The following DPP10 variants were observed in gnomAD, a reference collection of about 807,000 sequenced individuals.
The protein encoded by DPP10 is dipeptidyl peptidase like 10, also known as inactive dipeptidyl peptidase 10.
A neutral mutation model predicts 120.9 loss-of-function variants in DPP10; 33 were observed. The observed-to-expected ratio is 0.27, with a 90% CI of 0.21 to 0.37. DPP10 has a LOEUF of 0.37. Ranked by LOEUF, DPP10 falls within the 10% of genes least tolerant of loss-of-function variation. The pLI, the probability that DPP10 is intolerant of heterozygous loss-of-function variation, is 1.00. For missense variants in DPP10, 816 were observed against 942.8 expected, an observed-to-expected ratio of 0.87 and a Z score of 1.76; for synonymous variants, 337 against 326.1, an observed-to-expected ratio of 1.03 and a Z score of -0.36.
chr2:114,930,716 A>G (rs1023455485), intron 1 of DPP10, among the ~76,000 whole-genome samples: 1 of 152,222 alleles, frequency 6.6e-6, no homozygotes, highest in Non-Finnish European at 1.5e-5. Context: ...TACAAGAAGC[A>G]TGGCAGTGGA....
chr2:115,579,706 G>T (rs2081904765), intron 5 of DPP10: 1 of 152,134 alleles, frequency 6.6e-6, no homozygotes, highest in Admixed American at 6.5e-5. Context: ...ATTTCACTCA[G>T]AATCACTGAC....
chr2:114,924,497 G>A (rs1432648130), intron 1 of DPP10, among the ~76,000 whole-genome samples: 2 of 150,960 alleles, frequency 1.3e-5, no homozygotes, highest in Non-Finnish European at 2.9e-5. Context: ...CTGCACTCCA[G>A]CCTGGGCAAC....
chr2:115,685,117 G>T (rs2090911904), intron 5 of DPP10, among the ~76,000 whole-genome samples: 1 of 151,972 alleles, frequency 6.6e-6, no homozygotes, highest in East Asian at 1.9e-4. Context: ...ATTTTATGAA[G>T]TATGAATAAT....
chr2:115,622,681 G>T (rs1258400564), intron 5 of DPP10, among the ~76,000 whole-genome samples: 2 of 151,628 alleles, frequency 1.3e-5, no homozygotes, highest in Non-Finnish European at 2.9e-5. Flanking sequence ...AGCAATATCT[G>T]AGGATCCCAA....
intron 1 of DPP10, among the ~76,000 whole-genome samples, chr2:115,051,012 G>A (rs1295717929): frequency 6.6e-6 from 1 of 152,122 alleles, no homozygotes; most frequent in African/African-American, 2.4e-5. Context: ...TGAAACTCTG[G>A]AGAAGAGAAA....
chr2:115,251,377 T>A (rs1010542251), intron 1 of DPP10, among the ~76,000 whole-genome samples: 5 of 152,142 alleles, frequency 3.3e-5, no homozygotes, highest in Non-Finnish European at 5.9e-5. Flanking sequence ...CATTTCTCAC[T>A]CTCTGCCACT....
intron 4 of DPP10, among the ~76,000 whole-genome samples, chr2:115,525,272 T>C (rs2078058774): frequency 6.6e-6 from 1 of 152,164 alleles, no homozygotes; most frequent in Admixed American, 6.6e-5. Flanking sequence ...TGAATGTATT[T>C]GTTTCATTGT....
At chr2:115,772,439 T>G (rs1169717235) in intron 13 of DPP10, among the ~76,000 whole-genome samples, 2 of 152,210 alleles carry the variant, frequency 1.3e-5, no homozygotes, top group Admixed American at 6.5e-5. Context: ...ACTTTCAGTA[T>G]GAATATATGA....
rs10712243 is a variant in DPP10 at position 114,513,521 on chromosome 2, C to CAAAAAAAAAAAAAAA, written c.60+70691_60+70705dup. Among the ~76,000 whole-genome samples the CAAAAAAAAAAAAAAA allele has an allele frequency of 2.7e-5, 2 of 74,982 alleles. 1 individual carries two copies. Among genetic ancestry groups the CAAAAAAAAAAAAAAA allele is most frequent in the African/African-American group, 1.1e-4 (2 of 18,780 alleles). 49.2% of individuals were successfully genotyped at this position (74,982 alleles called of 152,430 possible). On this transcript the variant is annotated intron_variant, in intron 1 of 25. Coordinates refer to ENST00000410059, the MANE Select transcript of DPP10 (RefSeq NM_020868.6). ...GGGCAACAAGAGTGAAACTCTACCT[C>CAAAAAAAAAAAAAAA]AAAAAAAAAAAAAAAAAAAAAAGAA...
intron 1 of DPP10, among the ~76,000 whole-genome samples, chr2:115,232,607 A>AC (rs2057791649): frequency 6.6e-6 from 1 of 152,210 alleles, no homozygotes. Flanking sequence ...CTGGAAAAAA[A>AC]ATTCTGCCAT....
chr2:115,170,578 A>G (rs1033293759), intron 1 of DPP10, among the ~76,000 whole-genome samples: 3 of 152,232 alleles, frequency 2.0e-5, no homozygotes, highest in African/African-American at 7.2e-5. Flanking sequence ...TTCAAGGGAA[A>G]AGACGATACG....
intron 1 of DPP10, among the ~76,000 whole-genome samples, chr2:115,264,789 A>G (rs528239001): frequency 1.6e-4 from 24 of 152,312 alleles, no homozygotes; most frequent in Admixed American, 6.5e-5. Flanking sequence ...CTTAATATTT[A>G]TCAATATGTC....
Position 115,781,051 on chromosome 2 carries a change from T to C in DPP10, c.1483+56T>C, listed in dbSNP as rs147053037. 83 of 1,376,448 alleles carry C rather than the reference T, an allele frequency of 6.0e-5. No homozygotes were observed. In the African/African-American group the frequency reaches 1.2e-3, roughly 20 times the overall value. The allele number at this position is 1,376,448 out of a possible 1,614,324, so 85.3% of individuals were successfully genotyped here. ...TATTTTATTCATTGTATTTGGTCAA[T>C]ATCTGTTGGTATCAGCAACTATTAC... is the stretch of plus-strand genomic sequence containing the variant. On this transcript the variant is annotated intron_variant, in intron 16 of 25. Coordinates refer to ENST00000410059, the MANE Select transcript of DPP10 (RefSeq NM_020868.6).
At chr2:115,717,092 T>G (rs1315471511) in intron 7 of DPP10, among the ~76,000 whole-genome samples, 2 of 152,188 alleles carry the variant, frequency 1.3e-5, no homozygotes, top group Admixed American at 6.5e-5. Context: ...TTTGGATGAA[T>G]GAGAGGGAGG....
intron 1 of DPP10, among the ~76,000 whole-genome samples, chr2:115,079,207 C>T (rs1708051672): frequency 6.6e-6 from 1 of 151,928 alleles, no homozygotes; most frequent in Admixed American, 6.6e-5. Flanking sequence ...GGTGAAACCC[C>T]GTCTCTACTA....
intron 1 of DPP10, among the ~76,000 whole-genome samples, chr2:115,023,414 G>A (rs965670729): frequency 6.6e-6 from 1 of 152,092 alleles, no homozygotes; most frequent in Non-Finnish European, 1.5e-5. Context: ...CTAATCATCA[G>A]AGAAATGCAA....
chr2:115,695,924 C>T lies in DPP10; in HGVS notation c.576+6003C>T, dbSNP rs1029950599. ...AGAGAGAGAGTAAACCTAAAAGACACCAAATAAAAAGTTCTAGAGCAAAAG... is the reference window on the plus strand; with the variant it reads ...AGAGAGAGAGTAAACCTAAAAGACATCAAATAAAAAGTTCTAGAGCAAAAG... On this transcript the variant is annotated intron_variant, in intron 7 of 25. Transcript: ENST00000410059. Among the ~76,000 whole-genome samples the T allele has an allele frequency of 3.3e-5, 5 of 151,892 alleles. No individual in the cohort carries two copies. In the South Asian group the frequency reaches 1.0e-3, roughly 32 times the overall value.
chr2:115,532,667 C>T (rs1185241758), intron 5 of DPP10, among the ~76,000 whole-genome samples: 1 of 151,872 alleles, frequency 6.6e-6, no homozygotes, highest in Admixed American at 6.6e-5. Context: ...TTCTGGAATG[C>T]CTTTTAATGC....
At chr2:115,602,880 C>T (rs570438829) in intron 5 of DPP10, among the ~76,000 whole-genome samples, 20 of 152,068 alleles carry the variant, frequency 1.3e-4, no homozygotes, top group Admixed American at 3.9e-4. Flanking sequence ...AAAGCATATC[C>T]CTCTCTTAAT....
Sources: allele counts gnomAD v4.1 joint callset (sites outside exome capture counted in the v4.1 genomes callset), GRCh38; gene constraint gnomAD v4.1.1; transcripts MANE v1.5; gene names NCBI Gene and HGNC (gene_info 2026-07-23, HGNC 2026-07-21).